PSPC1: variants seen among roughly 807,000 people sequenced by gnomAD.
The protein encoded by PSPC1 is paraspeckle protein 1.
In PSPC1, 14 loss-of-function variants were observed where a neutral mutation model predicts 51.6. That is an observed-to-expected ratio of 0.27 (90% CI 0.18 to 0.42). The LOEUF (loss-of-function observed/expected upper bound fraction) is 0.42. Ranked by LOEUF, PSPC1 falls within the 10% of genes least tolerant of loss-of-function variation. The pLI is 1.00. For synonymous variants in PSPC1, 193 were observed against 231.9 expected (o/e 0.83, Z 1.53); for missense variants, 406 against 701.1 (o/e 0.58, Z 4.75).
At chr13:19,691,301 A>G (rs563998523) in intron 6 of PSPC1, among the ~76,000 whole-genome samples, 1 of 152,256 alleles carries the variant, frequency 6.6e-6, no homozygotes, top group South Asian at 2.1e-4. Flanking sequence ...CGGGAGGATC[A>G]TTTGAGACAA....
chr13:19,711,514 C>T (rs1355452562), intron 6 of PSPC1, among the ~76,000 whole-genome samples: 2 of 150,688 alleles, frequency 1.3e-5, no homozygotes, highest in East Asian at 2.0e-4. Flanking sequence ...GGCAGGCGCC[C>T]GTAGTCCCAA....
At chr13:19,708,043 T>A (rs1444042120) in intron 7 of PSPC1, among the ~76,000 whole-genome samples, 4 of 152,220 alleles carry the variant, frequency 2.6e-5, no homozygotes, top group Non-Finnish European at 4.4e-5. Context: ...ACAATTAAGT[T>A]CTTTATGGGC....
chr13:19,763,545 C>A (rs1339328928), intron 2 of PSPC1, among the ~76,000 whole-genome samples: 1 of 152,146 alleles, frequency 6.6e-6, no homozygotes, highest in Non-Finnish European at 1.5e-5. Context: ...AGGTTATGAG[C>A]TGCATAGCCT....
chr13:19,716,402 C>T (rs937382002), intron 6 of PSPC1, among the ~76,000 whole-genome samples: 1 of 152,314 alleles, frequency 6.6e-6, no homozygotes, highest in East Asian at 1.9e-4. Flanking sequence ...AACTGGAACA[C>T]CATTTAATGA....
rs370645457 is a variant in PSPC1, at chr13:19,696,295, TACAC to T, written c.1159-18476_1159-18473del. 2.8e-4 allele frequency among the ~76,000 whole-genome samples: 43 copies of T among 152,278 alleles called. 1 individual carries two copies. The South Asian group carries it at 6.8e-3, about 24-fold the overall frequency. Reference sequence around the variant, plus strand: ...TTCCTACATATAGATATTCTTAACATACACACATCAAAGTCAATGTTATAGAATC... The same window carrying T: ...TTCCTACATATAGATATTCTTAACATACATCAAAGTCAATGTTATAGAATC... On this transcript the variant is annotated intron_variant and NMD_transcript_variant, in intron 6 of 7. Coordinates refer to the PSPC1 transcript ENST00000471658.
chr13:19,745,361 T>C (rs1042912768), intron 4 of PSPC1, among the ~76,000 whole-genome samples: 1 of 152,056 alleles, frequency 6.6e-6, no homozygotes, highest in African/African-American at 2.4e-5. Flanking sequence ...AATTTAATGA[T>C]AAAATTACAT....
At chr13:19,723,365 A>C (rs1883001778) in intron 6 of PSPC1, among the ~76,000 whole-genome samples, 2 of 152,250 alleles carry the variant, frequency 1.3e-5, no homozygotes, top group South Asian at 4.1e-4. Flanking sequence ...ATTTCCAAGT[A>C]GTCATTCAAA....
chr13:19,691,460 C>T (rs1031467843), intron 6 of PSPC1, among the ~76,000 whole-genome samples: 1 of 152,086 alleles, frequency 6.6e-6, no homozygotes, highest in African/African-American at 2.4e-5. Flanking sequence ...GAGTTTGAGG[C>T]TGCGGTGAGC....
At chr13:19,677,339 C>CT (rs989846010) in intron 7 of PSPC1, among the ~76,000 whole-genome samples, 2 of 151,838 alleles carry the variant, frequency 1.3e-5, no homozygotes, top group South Asian at 2.1e-4. Flanking sequence ...TTACAAAGAC[C>CT]TTTTTTTTCT....
chr13:19,732,167 AC>A (rs2137946067), intron 5 of PSPC1, among the ~76,000 whole-genome samples: 1 of 152,336 alleles, frequency 6.6e-6, no homozygotes, highest in Non-Finnish European at 1.5e-5. Flanking sequence ...AAGGGATTTC[AC>A]GCAAAATCTG....
intron 6 of PSPC1, among the ~76,000 whole-genome samples, chr13:19,711,970 C>G (rs978175798): frequency 1.3e-5 from 2 of 152,140 alleles, no homozygotes; most frequent in Non-Finnish European, 2.9e-5. Flanking sequence ...TTGCCATTTC[C>G]TTATCACTAC....
In PSPC1 at chr13:19,679,793, A is replaced by G. The variant is rs544941511; in HGVS notation, c.1159-1970T>C. ...GAACAACTGTTTATGCCTTTGGTAC[A>G]GTAAAGGCTGACAATAAAAATAAAC... is the stretch of plus-strand genomic sequence containing the variant. On this transcript the variant is annotated intron_variant and NMD_transcript_variant, in intron 6 of 7. Transcript: ENST00000471658. Among the ~76,000 whole-genome samples, 3 of 152,350 alleles carry G rather than the reference A, an allele frequency of 2.0e-5. No individual in the cohort carries two copies. In the East Asian group the frequency reaches 5.8e-4, roughly 29 times the overall value.
downstream of PSPC1, among the ~76,000 whole-genome samples, chr13:19,698,117 CAG>C (rs1409651375): frequency 6.6e-6 from 1 of 151,872 alleles, no homozygotes; most frequent in Non-Finnish European, 1.5e-5. Flanking sequence ...AAGAATGTAT[CAG>C]AGATCCAGTC....
chr13:19,718,845 A>G (rs1211520415), intron 6 of PSPC1, among the ~76,000 whole-genome samples: 3 of 152,282 alleles, frequency 2.0e-5, no homozygotes, highest in African/African-American at 7.2e-5. Flanking sequence ...TTAAATGCAC[A>G]TTGCCAGGTG....
chr13:19,682,013 A>T (rs1016149263), intron 6 of PSPC1, among the ~76,000 whole-genome samples: 1 of 152,242 alleles, frequency 6.6e-6, no homozygotes, highest in Non-Finnish European at 1.5e-5. Context: ...TAGCAAAAGA[A>T]TAAGGCAAAA....
At chr13:19,672,053 C>T, downstream of PSPC1, 1 of 628,318 alleles carries the variant, frequency 1.6e-6, no homozygotes, top group Non-Finnish European at 2.8e-6. Context: ...TGCCAGTATG[C>T]CGGAATCTCA....
At chr13:19,728,894 A>T (rs1276940672) in intron 6 of PSPC1, among the ~76,000 whole-genome samples, 1 of 152,218 alleles carries the variant, frequency 6.6e-6, no homozygotes, top group African/African-American at 2.4e-5. Flanking sequence ...CTAATTTTAA[A>T]ATTTTTTAAA....
intron 6 of PSPC1, among the ~76,000 whole-genome samples, chr13:19,694,110 G>A (rs1463805829): frequency 1.8e-5 from 2 of 110,290 alleles, no homozygotes; most frequent in African/African-American, 3.7e-5. Context: ...GTGACAGAGC[G>A]AGACTCCATC....
chr13:19,758,032 C>T (rs887330556), intron 3 of PSPC1, among the ~76,000 whole-genome samples: 2 of 151,982 alleles, frequency 1.3e-5, no homozygotes, highest in South Asian at 2.1e-4. Context: ...AAAATGCACT[C>T]GGCTGGGTGC....
Sources: gnomAD v4.1 joint callset for allele counts (sites outside exome capture counted in the v4.1 genomes callset) on GRCh38, gnomAD v4.1.1 for gene constraint, MANE v1.5 for transcripts, NCBI Gene and HGNC (gene_info 2026-07-23, HGNC 2026-07-21) for gene names.